Variants in CRPPA observed in about 807,000 individuals in gnomAD.
The protein encoded by CRPPA is D-ribitol-5-phosphate cytidylyltransferase.
CRPPA carries 43 observed loss-of-function variants against 52.0 expected under a neutral mutation model. That is an observed-to-expected ratio of 0.83 (90% confidence interval 0.65 to 1.07). The LOEUF (loss-of-function observed/expected upper bound fraction) is 1.07, where lower values mean the gene tolerates loss of function less well. CRPPA is among the 50% of genes least tolerant of loss of function. The probability of loss-of-function intolerance (pLI) is 0.00; values close to 1 mark genes in which losing one functional copy is unlikely to be tolerated. For synonymous variants in CRPPA, 250 were observed against 203.5 expected, an observed-to-expected ratio of 1.23 and a Z score of -1.94; for missense variants, 629 against 551.7, an observed-to-expected ratio of 1.14 and a Z score of -1.40.
In CRPPA at chr7:16,348,365, G is replaced by A. The variant is rs556651181; in HGVS notation, c.684+27727C>T. 1.1e-3 allele frequency among the ~76,000 whole-genome samples: 171 copies of A among 152,266 alleles called. 5 individuals carry two copies. In the South Asian group the frequency reaches 0.029, roughly 26 times the overall value. On this transcript the variant is annotated intron_variant, in intron 3 of 9. Transcript: ENST00000407010. Reference sequence around the variant, plus strand: ...GCAGCAATTTTATACGAGCAAACAAGCATGTCCAGGGGCTTAATCCCCTGA... The same window carrying A: ...GCAGCAATTTTATACGAGCAAACAAACATGTCCAGGGGCTTAATCCCCTGA...
At chr7:16,366,154 C>T (rs893554865) in intron 3 of CRPPA, among the ~76,000 whole-genome samples, 3 of 151,974 alleles carry the variant, frequency 2.0e-5, no homozygotes, top group African/African-American at 2.4e-5. Context: ...GGCAAACAAG[C>T]TCCCTCAGGC....
intron 2 of CRPPA, among the ~76,000 whole-genome samples, chr7:16,399,929 T>G (rs1171649904): frequency 6.6e-6 from 1 of 151,984 alleles, no homozygotes; most frequent in Non-Finnish European, 1.5e-5. Context: ...AGGCGTGTTA[T>G]GTGACCATAT....
rs145334459 is a variant in CRPPA, at chr7:16,412,449, G to C, written c.258-6112C>G. On this transcript the variant is annotated intron_variant, in intron 1 of 9. Transcript: ENST00000407010. Reference sequence around the variant, plus strand: ...AATTCTTGTAACAGGTCAAAAAAAAGTTTGGAAAACACTATTTTAGAACGC... The same window carrying C: ...AATTCTTGTAACAGGTCAAAAAAAACTTTGGAAAACACTATTTTAGAACGC... Among the ~76,000 whole-genome samples the C allele has an allele frequency of 3.0e-3, 455 of 152,212 alleles. 2 individuals carry two copies. Among genetic ancestry groups the C allele is most frequent in the African/African-American group, 1.0e-2 (414 of 41,536 alleles).
intron 9 of CRPPA, among the ~76,000 whole-genome samples, chr7:16,199,781 A>G (rs1781808682): frequency 6.6e-6 from 1 of 151,720 alleles, no homozygotes; most frequent in South Asian, 2.1e-4. Flanking sequence ...TGTGACTAAC[A>G]TGGACTGAAA....
rs954719326 is a variant in CRPPA, at chr7:16,388,818, G to A, written c.535-12577C>T. ...TTGAACCCAAGAGGCAATGGATGCAGTGAGCTGAGATGGCGCCACTGCACT... is the reference window on the plus strand; with the variant it reads ...TTGAACCCAAGAGGCAATGGATGCAATGAGCTGAGATGGCGCCACTGCACT... On this transcript the variant is annotated intron_variant, in intron 2 of 9. Transcript: ENST00000407010. Among the ~76,000 whole-genome samples, 4 of 152,290 alleles carry A rather than the reference G, an allele frequency of 2.6e-5. No individual in the cohort carries two copies. The East Asian group carries it at 7.7e-4, about 29-fold the overall frequency.
At chr7:16,398,063 C>A (rs1009335056) in intron 2 of CRPPA, among the ~76,000 whole-genome samples, 1 of 152,184 alleles carries the variant, frequency 6.6e-6, no homozygotes, top group South Asian at 2.1e-4. Context: ...ATCGAAATGA[C>A]CAGGGCATGA....
At chr7:16,191,020 C>T (rs1293700072) in intron 9 of CRPPA, among the ~76,000 whole-genome samples, 1 of 152,060 alleles carries the variant, frequency 6.6e-6, no homozygotes, top group Non-Finnish European at 1.5e-5. Flanking sequence ...TTTCTTTACC[C>T]ACTCATTGAT....
intron 8 of CRPPA, among the ~76,000 whole-genome samples, chr7:16,249,360 C>T (rs1307415102): frequency 6.6e-6 from 1 of 152,210 alleles, no homozygotes; most frequent in Non-Finnish European, 1.5e-5. Context: ...GTTCTCCCAG[C>T]CCAGCATTCG....
At chr7:16,391,641 C>T (rs1487453172) in intron 2 of CRPPA, among the ~76,000 whole-genome samples, 1 of 152,114 alleles carries the variant, frequency 6.6e-6, no homozygotes, top group Non-Finnish European at 1.5e-5. Context: ...TTTAAGTACT[C>T]AATAGCCACA....
At chr7:16,127,423 C>T (rs1471117372) in intron 9 of CRPPA, among the ~76,000 whole-genome samples, 1 of 151,732 alleles carries the variant, frequency 6.6e-6, no homozygotes, top group African/African-American at 2.4e-5. Context: ...CCTTTTCAAA[C>T]ATAAAAAGGT....
chr7:16,300,727 G>A (rs1015319240), intron 5 of CRPPA, among the ~76,000 whole-genome samples: 3 of 152,140 alleles, frequency 2.0e-5, no homozygotes, highest in African/African-American at 7.2e-5. Flanking sequence ...TGCCAATATA[G>A]TGCCAAGACT....
intron 9 of CRPPA, among the ~76,000 whole-genome samples, chr7:16,182,678 G>A (rs1005971725): frequency 6.6e-6 from 1 of 152,206 alleles, no homozygotes; most frequent in Non-Finnish European, 1.5e-5. Context: ...TCATAACCAA[G>A]TTATCAGCCC....
At chr7:16,342,170 T>C (rs1257752142) in intron 3 of CRPPA, among the ~76,000 whole-genome samples, 1 of 152,220 alleles carries the variant, frequency 6.6e-6, no homozygotes, top group Non-Finnish European at 1.5e-5. Context: ...CCTCTGATTA[T>C]GTGTCCTAAC....
intron 2 of CRPPA, among the ~76,000 whole-genome samples, chr7:16,402,554 A>C (rs1787845581): frequency 6.6e-6 from 1 of 152,220 alleles, no homozygotes; most frequent in Non-Finnish European, 1.5e-5. Flanking sequence ...TATAGTGTAT[A>C]AAGTATTATG....
At chr7:16,114,958 C>T (rs1200258725) in intron 9 of CRPPA, among the ~76,000 whole-genome samples, 1 of 151,902 alleles carries the variant, frequency 6.6e-6, no homozygotes, top group Non-Finnish European at 1.5e-5. Context: ...CCCTGCTCTC[C>T]AAAAAATAAT....
At chr7:16,283,771 C>T (rs1019062954) in intron 5 of CRPPA, among the ~76,000 whole-genome samples, 8 of 151,802 alleles carry the variant, frequency 5.3e-5, no homozygotes, top group African/African-American at 1.7e-4. Context: ...AAAACCCAAA[C>T]CCACACAAAT....
At chr7:16,248,760 G>A (rs754893984) in intron 8 of CRPPA, among the ~76,000 whole-genome samples, 16 of 152,286 alleles carry the variant, frequency 1.1e-4, no homozygotes, top group Admixed American at 2.0e-4. Flanking sequence ...AGGGTGGGGC[G>A]TCGCCTCACC....
intron 8 of CRPPA, among the ~76,000 whole-genome samples, chr7:16,228,073 C>G (rs1782697009): frequency 6.6e-6 from 1 of 151,808 alleles, no homozygotes; most frequent in African/African-American, 2.4e-5. Flanking sequence ...TATGGGCATT[C>G]TATAACGTTC....
At chr7:16,226,926 T>TA (rs1390786657) in intron 8 of CRPPA, among the ~76,000 whole-genome samples, 1 of 151,940 alleles carries the variant, frequency 6.6e-6, no homozygotes, top group East Asian at 1.9e-4. Context: ...GACATTTCCC[T>TA]AACCCTCTAC....
Sources: gnomAD v4.1 joint callset for allele counts (sites outside exome capture counted in the v4.1 genomes callset) on GRCh38, gnomAD v4.1.1 for gene constraint, MANE v1.5 for transcripts, NCBI Gene and HGNC (gene_info 2026-07-23, HGNC 2026-07-21) for gene names.